NCKAP5: variants seen among roughly 807,000 people sequenced by gnomAD.
The protein encoded by NCKAP5 is nck-associated protein 5.
A neutral mutation model predicts 167.0 loss-of-function variants in NCKAP5; 92 were observed. That is an observed-to-expected ratio of 0.55 (90% confidence interval 0.47 to 0.66). The LOEUF (loss-of-function observed/expected upper bound fraction) is 0.66, where lower values mean the gene tolerates loss of function less well. NCKAP5 is among the 30% of genes least tolerant of loss of function. NCKAP5 has a pLI of 0.00. For synonymous variants in NCKAP5, 891 were observed against 877.4 expected, an observed-to-expected ratio of 1.02 and a Z score of -0.27; for missense variants, 2,378 against 2,315.0, an observed-to-expected ratio of 1.03 and a Z score of -0.56.
At position 133,109,300 on chromosome 2, in the gene NCKAP5, C is replaced by T. The variant is rs752899871; in HGVS notation, c.341+20678G>A. Among the ~76,000 whole-genome samples, 11 of 152,146 alleles carry T rather than the reference C, an allele frequency of 7.2e-5. 1 individual carries two copies. The highest frequency in any genetic ancestry group is 8.8e-5 in the Non-Finnish European group (6 of 68,020). On this transcript the variant is annotated intron_variant, in intron 6 of 19. Coordinates refer to ENST00000409261, the MANE Select transcript of NCKAP5 (RefSeq NM_207363.3). ...TGCTGCAGAATATAGAAACAAGATT[C>T]TACAAAGCAGTCTGGAAATAACATG... is the stretch of plus-strand genomic sequence containing the variant.
At chr2:133,190,760 A>G (rs2085180331) in intron 5 of NCKAP5, among the ~76,000 whole-genome samples, 1 of 152,206 alleles carries the variant, frequency 6.6e-6, no homozygotes, top group African/African-American at 2.4e-5. Context: ...CACCTTATAC[A>G]AAAATTAATT....
chr2:132,769,079 G>A (rs1253881450), intron 16 of NCKAP5, among the ~76,000 whole-genome samples: 2 of 151,652 alleles, frequency 1.3e-5, no homozygotes, highest in South Asian at 2.1e-4. Context: ...CGAGTAGCTG[G>A]GACTATAGAC....
chr2:133,364,776 C>CA (rs1685346579), intron 3 of NCKAP5, among the ~76,000 whole-genome samples: 1 of 150,668 alleles, frequency 6.6e-6, no homozygotes, highest in South Asian at 2.1e-4. Context: ...TTTTTTGAGA[C>CA]AGAGTCTCAA....
At chr2:132,813,129 G>C (rs992999274) in intron 11 of NCKAP5, among the ~76,000 whole-genome samples, 1 of 152,220 alleles carries the variant, frequency 6.6e-6, no homozygotes, top group African/African-American at 2.4e-5. Flanking sequence ...AGAGACGAGA[G>C]AGAATGTGCC....
At chr2:132,987,995 T>C (rs190862005) in intron 7 of NCKAP5, among the ~76,000 whole-genome samples, 75 of 152,294 alleles carry the variant, frequency 4.9e-4, no homozygotes, top group African/African-American at 1.8e-3. Flanking sequence ...GCATAGTGAC[T>C]GGTACACTGC....
intron 6 of NCKAP5, among the ~76,000 whole-genome samples, chr2:133,059,214 G>T (rs1410401800): frequency 1.3e-5 from 2 of 151,734 alleles, no homozygotes; most frequent in Non-Finnish European, 2.9e-5. Flanking sequence ...GCAGGAGAAT[G>T]GCATGAACCC....
At chr2:132,886,856 C>CA (rs1574520465) in intron 8 of NCKAP5, among the ~76,000 whole-genome samples, 1 of 152,046 alleles carries the variant, frequency 6.6e-6, no homozygotes, top group Non-Finnish European at 1.5e-5. Flanking sequence ...TGAGAGCCAA[C>CA]ATGAATAAAG....
At chr2:133,595,580 T>A in the NCKAP5 span, among the ~76,000 whole-genome samples, 5 of 151,906 alleles carry the variant, frequency 3.3e-5, no homozygotes, top group African/African-American at 4.8e-5. Flanking sequence ...TGGTGGGGCA[T>A]GCTACAGAGC....
rs137905183 is a variant in NCKAP5, at chr2:133,538,116, T to C, written c.-61-20529A>G. ...CCAAAACGAACAAACCATTGCACCA[T>C]AAAGCCACATTTTAATTTTACTTTA... On this transcript the variant is annotated intron_variant, in intron 2 of 19. Transcript: ENST00000409261. Among the ~76,000 whole-genome samples, 295 of 152,316 alleles carry C rather than the reference T, an allele frequency of 1.9e-3. 2 individuals are homozygous for C. Among genetic ancestry groups the C allele is most frequent in the African/African-American group, 6.2e-3 (258 of 41,584 alleles).
At chr2:133,557,630 T>G (rs904471838) in intron 2 of NCKAP5, among the ~76,000 whole-genome samples, 1 of 152,256 alleles carries the variant, frequency 6.6e-6, no homozygotes, top group Non-Finnish European at 1.5e-5. Context: ...AAGCTACTCA[T>G]GCAGAAACTA....
chr2:133,376,091 A>G (rs1357712316), intron 3 of NCKAP5, among the ~76,000 whole-genome samples: 2 of 152,216 alleles, frequency 1.3e-5, no homozygotes, highest in East Asian at 3.8e-4. Context: ...AATCAGGCAC[A>G]GGTACAATAA....
intron 4 of NCKAP5, among the ~76,000 whole-genome samples, chr2:133,237,623 C>A (rs1296566551): frequency 2.0e-5 from 3 of 152,118 alleles, no homozygotes; most frequent in Non-Finnish European, 4.4e-5. Flanking sequence ...GTGAGACACA[C>A]GTGTAAACAA....
chr2:133,476,822 C>T (rs533083474), intron 3 of NCKAP5, among the ~76,000 whole-genome samples: 6 of 152,198 alleles, frequency 3.9e-5, no homozygotes, highest in East Asian at 1.9e-4. Flanking sequence ...TCTGATTTCC[C>T]GGATCCTCTA....
At chr2:133,398,061 G>A (rs115553269) in intron 3 of NCKAP5, among the ~76,000 whole-genome samples, 1 of 152,134 alleles carries the variant, frequency 6.6e-6, no homozygotes, top group Non-Finnish European at 1.5e-5. Context: ...AGCATTGCAC[G>A]CTACTCACAA....
chr2:132,803,395 T>C (rs895156303), intron 11 of NCKAP5, among the ~76,000 whole-genome samples: 2 of 152,356 alleles, frequency 1.3e-5, no homozygotes, highest in Admixed American at 1.3e-4. Flanking sequence ...CCTTGGCAAA[T>C]GACATGGCTC....
intron 3 of NCKAP5, among the ~76,000 whole-genome samples, chr2:133,446,033 G>A (rs902957248): frequency 1.3e-5 from 2 of 152,108 alleles, no homozygotes; most frequent in African/African-American, 4.8e-5. Flanking sequence ...AGGGCACTTG[G>A]CCATGTCTTA....
chr2:132,729,006 A>G, intron 17 of NCKAP5, 54 bp from the exon 18 acceptor site: 2 of 1,599,730 alleles, frequency 1.3e-6, no homozygotes, highest in Non-Finnish European at 1.7e-6. Flanking sequence ...AACATTTTAC[A>G]AGTTTAGGGA....
chr2:132,999,532 A>G (rs1315896085), intron 6 of NCKAP5, among the ~76,000 whole-genome samples: 2 of 152,244 alleles, frequency 1.3e-5, no homozygotes, highest in African/African-American at 4.8e-5. Flanking sequence ...AGAAAATGTT[A>G]AAACACAGTG....
intron 3 of NCKAP5, among the ~76,000 whole-genome samples, chr2:133,501,375 C>T (rs1361017121): frequency 6.6e-6 from 1 of 152,132 alleles, no homozygotes; most frequent in Non-Finnish European, 1.5e-5. Context: ...TACCTAAGTG[C>T]CATTATAAAA....
Sources: gnomAD v4.1 joint callset for allele counts (sites outside exome capture counted in the v4.1 genomes callset) on GRCh38, gnomAD v4.1.1 for gene constraint, MANE v1.5 for transcripts, NCBI Gene and HGNC (gene_info 2026-07-23, HGNC 2026-07-21) for gene names.